The following CAD variants were observed in gnomAD, a reference collection of about 807,000 sequenced individuals.
CAD encodes multifunctional protein CAD.
Under a neutral mutation model 237.2 loss-of-function variants are expected in CAD, and 81 were observed. The observed-to-expected ratio is 0.34, with a 90% confidence interval of 0.29 to 0.41. The LOEUF is 0.41. Ranked by LOEUF, CAD falls within the 10% of genes least tolerant of loss-of-function variation. The probability of loss-of-function intolerance (pLI) is 1.00; values close to 1 mark genes in which losing one functional copy is unlikely to be tolerated. For missense variants in CAD, 2,181 were observed against 2,951.7 expected, an observed-to-expected ratio of 0.74 and a Z score of 6.05; for synonymous variants, 1,196 against 1,162.8, an observed-to-expected ratio of 1.03 and a Z score of -0.58.
At position 27,218,147 on chromosome 2, in the gene CAD, G is replaced by T. The variant is rs149848612; in HGVS notation, c.222+131G>T. 6.4e-5 allele frequency: 48 copies of T among 753,768 alleles called. 1 individual carries two copies. In the Middle Eastern group the frequency reaches 7.3e-4, roughly 11 times the overall value. The allele number at this position is 753,768 out of a possible 1,614,324, so 46.7% of individuals were successfully genotyped here. ...ATACCCACTGAAGTAGTAAAGTCAA[G>T]GACTAAGATCACTAGTAACTGTAGT... On this transcript the variant is annotated intron_variant, in intron 2 of 43. Transcript: ENST00000264705.
In CAD at chr2:27,234,508, T is replaced by C; in HGVS notation, c.3619-10T>C. 1 of 1,613,180 alleles carries C rather than the reference T, an allele frequency of 6.2e-7. No homozygotes were observed. The highest frequency in any genetic ancestry group is 8.5e-7 in the Non-Finnish European group (1 of 1,179,474). ...CCTGCAGAAGGCCTGACCAGTCTTC[T>C]CTGCCCCAGGATGACCAGCTGAAAG... On this transcript the variant is annotated splice_polypyrimidine_tract_variant and intron_variant, in intron 22 of 43. Coordinates refer to ENST00000264705, the MANE Select transcript of CAD (RefSeq NM_004341.5).
Position 27,242,308 on chromosome 2 carries a change from G to A in CAD, c.6103G>A (p.Ala2035Thr), listed in dbSNP as rs764668508. 20 of 1,607,216 alleles carry A rather than the reference G, an allele frequency of 1.2e-5. No homozygotes were observed. Among genetic ancestry groups the A allele is most frequent in the African/African-American group, 4.0e-5 (3 of 74,714 alleles). ...HPQPGAVELA[A>T]KHCRRPVINA... Reference sequence around the variant, plus strand: ...ATTTTCCCCTTTTTTCCAGCTGGCCGCCAAGCACTGCCGGAGGCCAGTGAT... The same window carrying A: ...ATTTTCCCCTTTTTTCCAGCTGGCCACCAAGCACTGCCGGAGGCCAGTGAT... The change falls in exon 40 of 44, where the codon GCC becomes ACC. Residue 2035 changes from alanine to threonine, a missense_variant. Coordinates refer to ENST00000264705, the MANE Select transcript of CAD (RefSeq NM_004341.5). This position sits in a 1 kb window ranked among gnomAD's most constrained non-coding sequence, Gnocchi z 6.4.
intron 42 of CAD, 24 bp from the exon 43 acceptor site, chr2:27,243,174 A>ATG (rs1676408295): frequency 6.2e-7 from 1 of 1,611,452 alleles, no homozygotes; most frequent in African/African-American, 1.3e-5. Context: ...CAAGGCACTA[A>ATG]TGGGGACCCC....
rs2148080692 is a variant in CAD, at chr2:27,234,780, C to A, written c.3786+95C>A. The A allele has an allele frequency of 4.9e-6, 6 of 1,215,426 alleles. No individual in the cohort carries two copies. In the South Asian group the frequency reaches 8.7e-5, roughly 18 times the overall value. The allele number at this position is 1,215,426 out of a possible 1,614,324, so 75.3% of individuals were successfully genotyped here. On this transcript the variant is annotated intron_variant, in intron 23 of 43. Coordinates refer to ENST00000264705, the MANE Select transcript of CAD (RefSeq NM_004341.5). The stretch of plus-strand genomic sequence containing the variant: ...TGTCAGTATGTAAACCAGGCACTGA[C>A]TGCAAGGCATTGCCGGATCGTGGGG...
intron 15 of CAD, among the ~76,000 whole-genome samples, chr2:27,230,550 C>T (rs763931304): frequency 7.9e-5 from 12 of 151,946 alleles, no homozygotes; most frequent in Non-Finnish European, 1.5e-4. Context: ...CTCTTGAACC[C>T]AGGAAGCAGA....
intron 11 of CAD, 121 bp downstream of exon 11, chr2:27,225,364 T>C (rs1675392328): frequency 1.7e-6 from 1 of 604,028 alleles, no homozygotes; most frequent in Non-Finnish European, 2.8e-6. Flanking sequence ...TGGAGTACAG[T>C]GGCGTGATCT....
chr2:27,240,809 T>G lies in CAD; in HGVS notation c.5594-102T>G. 7.4e-7 allele frequency: 1 copy of G among 1,348,282 alleles called. No individual in the cohort carries two copies. The highest frequency in any genetic ancestry group is 1.1e-6 in the Non-Finnish European group (1 of 952,360). The allele number at this position is 1,348,282 out of a possible 1,614,324, so 83.5% of individuals were successfully genotyped here. A position where few individuals can be genotyped will look rare whatever the true frequency, so the allele number is the denominator to read the frequency against. The stretch of plus-strand genomic sequence containing the variant: ...ACCTGCTATATTACTGTGTTGTGAA[T>G]TGGTTTAACATATACACTGTGATTC... On this transcript the variant is annotated intron_variant, in intron 35 of 43. Transcript: ENST00000264705. This position sits in a 1 kb window ranked among gnomAD's most constrained non-coding sequence, Gnocchi z 4.6.
rs1676297591 is a variant in CAD at position 27,241,163 on chromosome 2, C to T, written c.5744C>T (p.Ser1915Leu). 1 of 1,612,900 alleles carries T rather than the reference C, an allele frequency of 6.2e-7. No homozygotes were observed. ...GTPGLLHPQT[S>L]PLLHSLVGQH... ...CCTGGCTTGCTGCACCCCCAGACCT[C>T]ACCCCTGCTGCACTCATTAGTGGGC... The change falls in exon 37 of 44, where the codon TCA becomes TTA. Residue 1915 changes from serine (S) to leucine (L), a missense_variant. Coordinates refer to ENST00000264705, the MANE Select transcript of CAD (RefSeq NM_004341.5). This position sits in a 1 kb window ranked among gnomAD's most constrained non-coding sequence, Gnocchi z 4.6.
In CAD at chr2:27,222,528, G is replaced by T. The variant is rs766063444; in HGVS notation, c.505G>T (p.Val169Leu). 1.2e-6 allele frequency: 2 copies of T among 1,613,994 alleles called. No individual in the cohort carries two copies. The highest frequency in any genetic ancestry group is 1.7e-6 in the Non-Finnish European group (2 of 1,179,898). The stretch of plus-strand genomic sequence containing the variant: ...TTCGTCTATTTCTCAGACTCCACGG[G>T]TATTCAATACAGGGGGTGCCCCTCG... ...VPEVSIKTPRVFNTGGAPRIL... is the reference protein window; with the variant it reads ...VPEVSIKTPRLFNTGGAPRIL... Residue 169 changes from valine (V) to leucine (L), a missense_variant, in exon 5 of 44, where the codon GTA becomes TTA. By Grantham distance (32) the Val-to-Leu change is conservative. Around this residue, in one of 12 missense-constraint regions of CAD, gnomAD observed 314 missense variants for 339.4 expected, o/e 0.93. Transcript: ENST00000264705.
chr2:27,229,944 ATTAAG>A (rs1675650214), intron 15 of CAD, among the ~76,000 whole-genome samples: 1 of 151,790 alleles, frequency 6.6e-6, no homozygotes, highest in South Asian at 2.1e-4. Context: ...TCATACAAGA[ATTAAG>A]TTAGTTGGTT....
At chr2:27,227,950 T>G (rs1173234255) in intron 15 of CAD, among the ~76,000 whole-genome samples, 2 of 152,274 alleles carry the variant, frequency 1.3e-5, no homozygotes, top group Non-Finnish European at 2.9e-5. Flanking sequence ...CTGCATACAT[T>G]TCTAGGCATA....
In CAD at chr2:27,217,471, C is replaced by T. The variant is rs532555567; in HGVS notation, c.-81C>T. On this transcript the variant is annotated 5_prime_UTR_variant, in exon 1 of 44. Coordinates refer to ENST00000264705, the MANE Select transcript of CAD (RefSeq NM_004341.5). The stretch of plus-strand genomic sequence containing the variant: ...TTAGCCACGTGGACCGACTCCGGCG[C>T]GCCGTCCTCACGTGGTTCCAGTGGA... 41 of 1,235,832 alleles carry T rather than the reference C, an allele frequency of 3.3e-5. No individual in the cohort carries two copies. The African/African-American group carries it at 5.2e-4, about 16-fold the overall frequency. 76.6% of individuals were successfully genotyped at this position (1,235,832 alleles called of 1,614,324 possible). A position where few individuals can be genotyped will look rare whatever the true frequency, so the allele number is the denominator to read the frequency against.
At position 27,237,754 on chromosome 2, in the gene CAD, T is replaced by G; in HGVS notation, c.4600T>G (p.Phe1534Val). ...TGGCGCCCGGTGCGACTTTGCGCTA[T>G]TCCTTGGGGCCTCGTCTGAAAATGC... ...EAGARCDFAL[F>V]LGASSENAGT... Residue 1534 changes from phenylalanine (F) to valine (V), a missense_variant, in exon 29 of 44, where the codon TTC becomes GTC. By Grantham distance (50) the Phe-to-Val change is conservative. Transcript: ENST00000264705. The surrounding 1 kb of genome is among the most constrained non-coding windows in gnomAD (Gnocchi z 4.0). The G allele has an allele frequency of 6.2e-7, 1 of 1,614,206 alleles. No individual in the cohort carries two copies. Among genetic ancestry groups the G allele is most frequent in the Non-Finnish European group, 8.5e-7 (1 of 1,180,022 alleles).
intron 15 of CAD, among the ~76,000 whole-genome samples, chr2:27,228,718 A>G (rs1161531824): frequency 6.6e-6 from 1 of 151,856 alleles, no homozygotes; most frequent in Non-Finnish European, 1.5e-5. Flanking sequence ...CAGCCTCCAG[A>G]GTAACTGGGA....
chr2:27,217,980 C>G lies in CAD; in HGVS notation c.186C>G (p.Ile62Met). 6.2e-7 allele frequency: 1 copy of G among 1,611,600 alleles called. No individual in the cohort carries two copies. Among genetic ancestry groups the G allele is most frequent in the Non-Finnish European group, 8.5e-7 (1 of 1,178,594 alleles). Residue 62 changes from isoleucine to methionine, a missense_variant, in exon 2 of 44, where the codon ATC becomes ATG. Ile to Met is a conservative substitution (Grantham distance 10). Coordinates refer to ENST00000264705, the MANE Select transcript of CAD (RefSeq NM_004341.5). Reference protein sequence around the residue: ...LTYPLIGNYGIPPDEMDEFGL... With the variant: ...LTYPLIGNYGMPPDEMDEFGL... Reference sequence around the variant, plus strand: ...ATCCTCTGATCGGCAACTATGGCATCCCCCCAGATGAAATGGATGAGTTCG... The same window carrying G: ...ATCCTCTGATCGGCAACTATGGCATGCCCCCAGATGAAATGGATGAGTTCG...
At position 27,240,098 on chromosome 2, in the gene CAD, A is replaced by G. The variant is rs1053178187; in HGVS notation, c.5497-167A>G. 6 of 653,586 alleles carry G rather than the reference A, an allele frequency of 9.2e-6. No individual in the cohort carries two copies. The highest frequency in any genetic ancestry group is 5.5e-5 in the African/African-American group (3 of 54,890). The allele number at this position is 653,586 out of a possible 1,614,324, so 40.5% of individuals were successfully genotyped here. A position where few individuals can be genotyped will look rare whatever the true frequency, so the allele number is the denominator to read the frequency against. On this transcript the variant is annotated intron_variant, in intron 34 of 43. Coordinates refer to ENST00000264705, the MANE Select transcript of CAD (RefSeq NM_004341.5). This position sits in a 1 kb window ranked among gnomAD's most constrained non-coding sequence, Gnocchi z 4.6. Reference sequence around the variant, plus strand: ...TCTACTAAAAATAAAAAAATTAGCCAGGCGTGGTGGTGCACATCTGTAATC... The same window carrying G: ...TCTACTAAAAATAAAAAAATTAGCCGGGCGTGGTGGTGCACATCTGTAATC...
Position 27,237,699 on chromosome 2 carries a change from C to T in CAD, c.4564-19C>T, listed in dbSNP as rs1191570224. The T allele has an allele frequency of 1.2e-6, 2 of 1,606,756 alleles. No homozygotes were observed. Among genetic ancestry groups the T allele is most frequent in the East Asian group, 2.2e-5 (1 of 44,796 alleles). On this transcript the variant is annotated intron_variant, in intron 28 of 43. Coordinates refer to ENST00000264705, the MANE Select transcript of CAD (RefSeq NM_004341.5). This position sits in a 1 kb window ranked among gnomAD's most constrained non-coding sequence, Gnocchi z 4.0. ...GGGCATGGGTGCCAGTGAGCCTTAC[C>T]TCTGTGTATCCTCTCCAGCTGGCAG...
At position 27,217,989 on chromosome 2, in the gene CAD, T is replaced by A; in HGVS notation, c.195T>A (p.Asp65Glu). ...PLIGNYGIPPDEMDEFGLCKW... is the reference protein window; with the variant it reads ...PLIGNYGIPPEEMDEFGLCKW... ...TCGGCAACTATGGCATCCCCCCAGA[T>A]GAAATGGATGAGTTCGGTCTCTGCA... Residue 65 changes from aspartate to glutamate, a missense_variant, in exon 2 of 44, where the codon GAT becomes GAA. Physicochemically the swap from Asp to Glu is conservative, Grantham distance 45. Transcript: ENST00000264705. 1.9e-6 allele frequency: 3 copies of A among 1,611,192 alleles called. No homozygotes were observed. Among genetic ancestry groups the A allele is most frequent in the Non-Finnish European group, 2.5e-6 (3 of 1,178,488 alleles).
Position 27,232,355 on chromosome 2 carries a change from T to C in CAD, c.2646-93T>C. On this transcript the variant is annotated intron_variant, in intron 17 of 43. Coordinates refer to ENST00000264705, the MANE Select transcript of CAD (RefSeq NM_004341.5). The surrounding 1 kb of genome is among the most constrained non-coding windows in gnomAD (Gnocchi z 4.1). ...AGGCTTCTGACCTTGGTTCCAAGGA[T>C]ATTTCCTCTCATCTGTGCCCTGGGG... 1 of 1,580,520 alleles carries C rather than the reference T, an allele frequency of 6.3e-7. No individual in the cohort carries two copies. The highest frequency in any genetic ancestry group is 8.6e-7 in the Non-Finnish European group (1 of 1,162,428).
Sources: allele counts gnomAD v4.1 joint callset (sites outside exome capture counted in the v4.1 genomes callset), GRCh38; gene constraint gnomAD v4.1.1; regional missense constraint gnomAD v4.1.1; non-coding constraint Gnocchi (gnomAD v3.1); transcripts MANE v1.5; gene names NCBI Gene and HGNC (gene_info 2026-07-23, HGNC 2026-07-21).